Variants in TUT4 observed in about 807,000 individuals in gnomAD.
The protein encoded by TUT4 is terminal uridylyltransferase 4.
TUT4 carries 36 observed loss-of-function variants against 192.2 expected under a neutral mutation model. The observed-to-expected ratio is 0.19, with a 90% CI of 0.14 to 0.25. The LOEUF (loss-of-function observed/expected upper bound fraction) is 0.25. TUT4 is among the 10% of genes least tolerant of loss of function. TUT4 has a pLI of 1.00. For missense variants in TUT4, 1,493 were observed against 1,957.2 expected (o/e 0.76, Z 4.47); for synonymous variants, 618 against 666.0 (o/e 0.93, Z 1.11).
In TUT4 at chr1:52,481,545, T is replaced by C; in HGVS notation, c.1726A>G (p.Ser576Gly). The C allele has an allele frequency of 2.5e-6, 4 of 1,613,982 alleles. No individual in the cohort carries two copies. The highest frequency in any genetic ancestry group is 3.4e-6 in the Non-Finnish European group (4 of 1,179,972). Residue 576 changes from serine to glycine, a missense_variant, in exon 11 of 30, where the codon AGT becomes GGT. Ser to Gly is a moderately conservative substitution (Grantham distance 56). Coordinates refer to ENST00000257177, the MANE Select transcript of TUT4 (RefSeq NM_001009881.3). ...KFVKWECNSS[S>G]ATEKNSIAEE... ...GCAATTGAGTTTTTCTCAGTTGCAC[T>C]ACTTGAATTACATTCCCACTTCACA... is the stretch of plus-strand genomic sequence containing the variant.
At chr1:52,444,305 A>G (rs1431065077) in intron 24 of TUT4, among the ~76,000 whole-genome samples, 5 of 152,146 alleles carry the variant, frequency 3.3e-5, no homozygotes, top group Admixed American at 2.0e-4. Context: ...GCATTGTTTC[A>G]AATTTTACTA....
intron 1 of TUT4, among the ~76,000 whole-genome samples, chr1:52,539,702 G>A (rs1026234433): frequency 2.6e-5 from 4 of 151,546 alleles, no homozygotes; most frequent in Admixed American, 1.3e-4. Context: ...TGAGGTCAGA[G>A]TTTGAGACTA....
intron 25 of TUT4, chr1:52,437,286 T>C (rs1654075258): frequency 4.3e-6 from 1 of 235,158 alleles, no homozygotes; most frequent in Admixed American, 5.1e-5. Context: ...AAGATAAGTG[T>C]CTTGACTAAA....
chr1:52,431,384 G>A lies in TUT4; in HGVS notation c.4340C>T (p.Pro1447Leu), dbSNP rs1318697845. 1 of 1,614,156 alleles carries A rather than the reference G, an allele frequency of 6.2e-7. No homozygotes were observed. Among genetic ancestry groups the A allele is most frequent in the African/African-American group, 1.3e-5 (1 of 75,022 alleles). ...NSSQSAAITQ[P>L]SSQPGSQPKL... ...AGGTTGGGATCCTGGCTGAGATGAA[G>A]GCTGAGTAATAGCAGCTGACTGGGA... The change falls in exon 28 of 30, where the codon CCT (proline) becomes CTT (leucine). Residue 1447 changes from proline to leucine, a missense_variant. By Grantham distance (98) the Pro-to-Leu change is moderately conservative (BLOSUM62 -3). This residue lies in a region of TUT4 where 351 missense variants were observed against 397.8 expected (regional missense o/e 0.88). Transcript: ENST00000257177.
chr1:52,518,644 G>C lies in TUT4; in HGVS notation c.719-2590C>G, dbSNP rs78427209. Reference sequence around the variant, plus strand: ...TAACAACAGCCTTAAAAAGGAATGAGGTACTGATACACGTTACAACATGGA... The same window carrying C: ...TAACAACAGCCTTAAAAAGGAATGACGTACTGATACACGTTACAACATGGA... On this transcript the variant is annotated intron_variant, in intron 2 of 29. Transcript: ENST00000257177. 3.9e-3 allele frequency among the ~76,000 whole-genome samples: 596 copies of C among 152,264 alleles called. 3 individuals carry two copies. The highest frequency in any genetic ancestry group is 0.014 in the African/African-American group (568 of 41,550).
intron 1 of TUT4, among the ~76,000 whole-genome samples, chr1:52,528,033 C>T (rs1309379848): frequency 6.6e-6 from 1 of 151,332 alleles, no homozygotes; most frequent in East Asian, 1.9e-4. Context: ...AAAAATTAGC[C>T]GGGTACAGTG....
At chr1:52,508,139 T>C (rs1171726833) in intron 4 of TUT4, among the ~76,000 whole-genome samples, 2 of 151,908 alleles carry the variant, frequency 1.3e-5, no homozygotes, top group African/African-American at 2.4e-5. Flanking sequence ...TTTAAGTTTC[T>C]TGCTTGCCCA....
At chr1:52,512,777 C>G (rs187742253) in intron 3 of TUT4, among the ~76,000 whole-genome samples, 3 of 152,160 alleles carry the variant, frequency 2.0e-5, no homozygotes, top group Admixed American at 6.5e-5. Context: ...GAAAATTTAG[C>G]CTTCTGATCT....
intron 12 of TUT4, among the ~76,000 whole-genome samples, 159 bp from the exon 13 acceptor site, chr1:52,475,694 G>A (rs2148893813): frequency 6.6e-6 from 1 of 151,942 alleles, no homozygotes; most frequent in African/African-American, 2.4e-5. Context: ...GAAAATGGGA[G>A]GAAATACAAT....
chr1:52,459,946 A>G (rs930923890), intron 19 of TUT4, among the ~76,000 whole-genome samples: 4 of 152,104 alleles, frequency 2.6e-5, no homozygotes, highest in Non-Finnish European at 4.4e-5. Flanking sequence ...GAGAGGGAGG[A>G]GGAATGAAAC....
At chr1:52,493,770 C>T (rs1671772844) in intron 6 of TUT4, 108 bp from the exon 7 acceptor site, 1 of 731,526 alleles carries the variant, frequency 1.4e-6, no homozygotes, top group East Asian at 2.9e-5. Context: ...TATAATCATG[C>T]TTTGTGTTTT....
chr1:52,479,180 C>G (rs1667841839), intron 11 of TUT4, among the ~76,000 whole-genome samples: 1 of 151,842 alleles, frequency 6.6e-6, no homozygotes, highest in Non-Finnish European at 1.5e-5. Context: ...AAAAGCAAAC[C>G]AAGATAGAGT....
intron 3 of TUT4, among the ~76,000 whole-genome samples, chr1:52,514,442 AAAAAC>A (rs1014292019): frequency 6.6e-6 from 1 of 152,230 alleles, no homozygotes; most frequent in Non-Finnish European, 1.5e-5. Context: ...CTCTGTCTCA[AAAAAC>A]AAAACAAAAC....
At position 52,446,673 on chromosome 1, in the gene TUT4, TA is replaced by T. The variant is rs769979995; in HGVS notation, c.3436-7del. The T allele has an allele frequency of 4.4e-6, 7 of 1,594,908 alleles. No homozygotes were observed. Among genetic ancestry groups the T allele is most frequent in the East Asian group, 4.5e-5 (2 of 44,630 alleles). ...ATCTGTTTTCCATCAAAGATCTGCATAAAAAAATTAATTGTATTATTAGATT... is the reference window on the plus strand; with the variant it reads ...ATCTGTTTTCCATCAAAGATCTGCATAAAAAATTAATTGTATTATTAGATT... On this transcript the variant is annotated splice_region_variant and splice_polypyrimidine_tract_variant and intron_variant, in intron 20 of 29. Transcript: ENST00000257177.
intron 16 of TUT4, among the ~76,000 whole-genome samples, chr1:52,464,315 C>A (rs558657362): frequency 1.3e-5 from 2 of 151,896 alleles, no homozygotes; most frequent in Non-Finnish European, 2.9e-5. Context: ...AGTGCAGTGG[C>A]GTGACCTCGG....
Position 52,477,781 on chromosome 1 carries a change from G to A in TUT4, c.1950C>T (p.Val650=), listed in dbSNP as rs1207812437. The A allele has an allele frequency of 6.2e-7, 1 of 1,613,722 alleles. No homozygotes were observed. The highest frequency in any genetic ancestry group is 8.5e-7 in the Non-Finnish European group (1 of 1,179,938). ...YTLDFALEEY[V]ICVRIQDILT... Reference sequence around the variant, plus strand: ...AAATATCTTGTATCCGTACACATATGACATATTCCTCCAAAGCAAAATCCA... The same window carrying A: ...AAATATCTTGTATCCGTACACATATAACATATTCCTCCAAAGCAAAATCCA... Residue 650 remains valine (V), a synonymous_variant, in exon 12 of 30, where the codon GTC becomes GTT. Coordinates refer to ENST00000257177, the MANE Select transcript of TUT4 (RefSeq NM_001009881.3).
At chr1:52,440,188 T>G (rs915685452) in intron 24 of TUT4, among the ~76,000 whole-genome samples, 1 of 152,192 alleles carries the variant, frequency 6.6e-6, no homozygotes, top group East Asian at 1.9e-4. Context: ...TGTTCTAAAA[T>G]TAAATTGTGG....
intron 15 of TUT4, among the ~76,000 whole-genome samples, chr1:52,467,018 A>G (rs1052699744): frequency 3.9e-5 from 6 of 152,080 alleles, no homozygotes; most frequent in Admixed American, 3.9e-4. Flanking sequence ...GGTGGCACAC[A>G]CCTGTAGTCC....
At chr1:52,463,625 A>T (rs1389715893) in intron 16 of TUT4, 1 of 1,299,960 alleles carries the variant, frequency 7.7e-7, no homozygotes, top group African/African-American at 1.5e-5. Context: ...TTTGAAACAT[A>T]AATAACAATA....
Sources: allele counts gnomAD v4.1 joint callset (sites outside exome capture counted in the v4.1 genomes callset), GRCh38; gene constraint gnomAD v4.1.1; regional missense constraint gnomAD v4.1.1; transcripts MANE v1.5; gene names NCBI Gene and HGNC (gene_info 2026-07-23, HGNC 2026-07-21).